Variants in DIAPH2 observed in about 807,000 individuals in gnomAD.
DIAPH2 encodes diaphanous related formin 2, also known as protein diaphanous homolog 2.
A neutral mutation model predicts 92.7 loss-of-function variants in DIAPH2; 35 were observed. That is an observed-to-expected ratio of 0.38 (90% CI 0.29 to 0.50). The LOEUF (loss-of-function observed/expected upper bound fraction) is 0.50. Among genes scored for constraint, DIAPH2 ranks in the 20% least tolerant of loss-of-function variants. The pLI, the probability that DIAPH2 is intolerant of heterozygous loss-of-function variation, is 0.94. For synonymous variants in DIAPH2, 301 were observed against 280.4 expected, an observed-to-expected ratio of 1.07 and a Z score of -0.73; for missense variants, 701 against 819.5, an observed-to-expected ratio of 0.86 and a Z score of 1.77.
rs1196029018 is a variant in DIAPH2, at chrX:97,599,558, A to G, written c.*241A>G. ...GTTCCATTTTAGTGTAAAGATGTGT[A>G]TCATTTGTAATTGTGTGTGACCTGA... On this transcript the variant is annotated 3_prime_UTR_variant, in exon 27 of 27. Transcript: ENST00000324765. 5.0e-6 allele frequency: 1 copy of G among 198,553 alleles called. No individual in the cohort carries two copies. The highest frequency in any genetic ancestry group is 9.3e-6 in the Non-Finnish European group (1 of 107,649). 16.4% of individuals were successfully genotyped at this position (198,553 alleles called of 1,213,427 possible).
chrX:97,251,289 G>C (rs1695391753), intron 23 of DIAPH2, among the ~76,000 whole-genome samples: 1 of 111,829 alleles, frequency 8.9e-6, no homozygotes, highest in African/African-American at 3.3e-5. Flanking sequence ...CAGTTGTGCA[G>C]AAGTATGACT....
At chrX:97,115,610 G>C (rs1482472389) in intron 21 of DIAPH2, among the ~76,000 whole-genome samples, 1 of 111,508 alleles carries the variant, frequency 9.0e-6, no homozygotes, top group Non-Finnish European at 1.9e-5. Flanking sequence ...GTTCTAAAAA[G>C]TATCTGACAA....
intron 24 of DIAPH2, among the ~76,000 whole-genome samples, chrX:97,349,010 G>A (rs1429226204): frequency 1.9e-5 from 2 of 105,189 alleles, no homozygotes; most frequent in African/African-American, 3.5e-5. Flanking sequence ...ATATGTGTGT[G>A]TATATATATG....
chrX:97,536,976 A>G (rs1285752836), intron 26 of DIAPH2, among the ~76,000 whole-genome samples: 1 of 112,083 alleles, frequency 8.9e-6, no homozygotes, highest in Non-Finnish European at 1.9e-5. Context: ...GGAAGCAAAC[A>G]TATATATTCA....
chrX:96,999,094 C>A (rs1197164268), intron 17 of DIAPH2, among the ~76,000 whole-genome samples: 2 of 111,848 alleles, frequency 1.8e-5, no homozygotes, highest in Non-Finnish European at 3.8e-5. Context: ...GTATTACTAC[C>A]TGCTCAGCTT....
chrX:97,060,107 T>G (rs771242831), intron 17 of DIAPH2, among the ~76,000 whole-genome samples: 1 of 112,873 alleles, frequency 8.9e-6, no homozygotes, highest in Non-Finnish European at 1.9e-5. Context: ...TCTGTAGTTA[T>G]AACCAGTTCT....
intron 26 of DIAPH2, among the ~76,000 whole-genome samples, chrX:97,488,521 C>G (rs2070704151): frequency 8.9e-6 from 1 of 111,839 alleles, no homozygotes. Flanking sequence ...AAATCATTGC[C>G]CAGACCAATA....
intron 23 of DIAPH2, among the ~76,000 whole-genome samples, chrX:97,302,233 A>AAAAG (rs1556021678): frequency 1.0e-4 from 9 of 88,923 alleles, no homozygotes; most frequent in Non-Finnish European, 1.1e-4. Context: ...AAAAAAAAAA[A>AAAAG]GTATTGGACA....
intron 22 of DIAPH2, among the ~76,000 whole-genome samples, chrX:97,168,893 A>G (rs1211058589): frequency 8.9e-6 from 1 of 112,084 alleles, no homozygotes; most frequent in Non-Finnish European, 1.9e-5. Context: ...AAAGGCTTGC[A>G]TCAGGTGGTT....
intron 22 of DIAPH2, among the ~76,000 whole-genome samples, chrX:97,207,590 G>A (rs1487961215): frequency 2.7e-5 from 3 of 111,250 alleles, no homozygotes; most frequent in African/African-American, 6.5e-5. Flanking sequence ...TAAGTGACAC[G>A]CCCAAAGTTA....
intron 4 of DIAPH2, among the ~76,000 whole-genome samples, chrX:96,764,823 TG>T (rs2064291731): frequency 9.0e-6 from 1 of 111,593 alleles, no homozygotes; most frequent in African/African-American, 3.3e-5. Flanking sequence ...AGTGAGGACT[TG>T]TATTAAAGTC....
intron 3 of DIAPH2, among the ~76,000 whole-genome samples, chrX:96,751,801 C>G (rs1453368373): frequency 8.7e-5 from 8 of 92,333 alleles, no homozygotes; most frequent in African/African-American, 2.7e-4. Flanking sequence ...CTACAGGCGC[C>G]CGCCACTACG....
chrX:96,778,920 T>C (rs951276927), intron 4 of DIAPH2, among the ~76,000 whole-genome samples: 2 of 111,843 alleles, frequency 1.8e-5, no homozygotes, highest in Non-Finnish European at 3.8e-5. Context: ...TTATTGATGA[T>C]GTTACATGTG....
At chrX:97,047,543 T>C (rs1602303322) in intron 17 of DIAPH2, among the ~76,000 whole-genome samples, 1 of 30,982 alleles carries the variant, frequency 3.2e-5, no homozygotes, top group East Asian at 7.1e-4. Context: ...TAAAATAGGC[T>C]TTTTTTTTTT....
At chrX:96,705,886 A>G (rs1247781565) in intron 1 of DIAPH2, among the ~76,000 whole-genome samples, 1 of 112,083 alleles carries the variant, frequency 8.9e-6, no homozygotes, top group African/African-American at 3.2e-5. Context: ...GGGAATCTGC[A>G]TTAATAAGCT....
chrX:97,250,486 A>G (rs2068180041), intron 23 of DIAPH2, among the ~76,000 whole-genome samples: 1 of 111,824 alleles, frequency 8.9e-6, no homozygotes, highest in Non-Finnish European at 1.9e-5. Context: ...CTCTTTCCCA[A>G]TTTTGATTGA....
At chrX:97,496,053 T>C (rs7876699) in intron 26 of DIAPH2, among the ~76,000 whole-genome samples, 2,444 of 110,798 alleles carry the variant, frequency 0.022, 68 homozygotes, top group African/African-American at 0.076. Context: ...AAGAAAAGCA[T>C]TGAATTTAAG....
chrX:97,132,126 C>G (rs2067142011), intron 21 of DIAPH2, among the ~76,000 whole-genome samples: 1 of 112,005 alleles, frequency 8.9e-6, no homozygotes, highest in Non-Finnish European at 1.9e-5. Context: ...TTTCAGCTCT[C>G]CTTTCACAGA....
intron 23 of DIAPH2, among the ~76,000 whole-genome samples, chrX:97,319,148 A>G (rs925924075): frequency 5.3e-5 from 6 of 112,237 alleles, no homozygotes; most frequent in African/African-American, 1.9e-4. Context: ...ACAGTTATGC[A>G]GTAAGAAAAA....
Sources: allele counts gnomAD v4.1 joint callset (sites outside exome capture counted in the v4.1 genomes callset), GRCh38; gene constraint gnomAD v4.1.1; transcripts MANE v1.5; gene names NCBI Gene and HGNC (gene_info 2026-07-23, HGNC 2026-07-21).